RNGTT: variants seen among roughly 807,000 people sequenced by gnomAD.
RNGTT encodes the protein RNA guanylyltransferase and 5'-phosphatase, also known as mRNA-capping enzyme.
A neutral mutation model predicts 79.3 loss-of-function variants in RNGTT; 33 were observed. The ratio of observed to expected loss-of-function variants is 0.42; its 90% confidence interval spans 0.32 to 0.56. The LOEUF is 0.56. RNGTT is among the 20% of genes least tolerant of loss of function. RNGTT has a pLI of 0.17. For missense variants in RNGTT, 497 were observed against 739.1 expected, an observed-to-expected ratio of 0.67 and a Z score of 3.80; for synonymous variants, 222 against 235.9, an observed-to-expected ratio of 0.94 and a Z score of 0.54.
chr6:88,890,342 T>C (rs1342558911), intron 8 of RNGTT, among the ~76,000 whole-genome samples, 153 bp downstream of exon 8: 3 of 152,194 alleles, frequency 2.0e-5, no homozygotes, highest in South Asian at 2.1e-4. Context: ...CTTAGAACAC[T>C]AGCAAAACCA....
At chr6:88,693,613 C>A (rs1775557797) in intron 13 of RNGTT, among the ~76,000 whole-genome samples, 1 of 152,088 alleles carries the variant, frequency 6.6e-6, no homozygotes, top group South Asian at 2.1e-4. Context: ...TTTAACAAAG[C>A]CAGCATTACC....
intron 4 of RNGTT, among the ~76,000 whole-genome samples, chr6:88,908,474 T>C (rs1582117792): frequency 6.6e-6 from 1 of 152,066 alleles, no homozygotes; most frequent in African/African-American, 2.4e-5. Context: ...TGAAAGCCAA[T>C]AGAGAGGCAA....
intron 6 of RNGTT, among the ~76,000 whole-genome samples, chr6:88,897,885 G>C: frequency 6.6e-6 from 1 of 152,200 alleles, no homozygotes; most frequent in East Asian, 1.9e-4. Flanking sequence ...TGAGCAGTGA[G>C]AGTGTAATGA....
At chr6:88,768,980 G>A (rs1037109710) in intron 13 of RNGTT, among the ~76,000 whole-genome samples, 2 of 152,068 alleles carry the variant, frequency 1.3e-5, no homozygotes, top group African/African-American at 2.4e-5. Flanking sequence ...CTCTGCAAAT[G>A]CAAACATGAA....
chr6:88,905,881 A>G (rs1582114786), intron 5 of RNGTT, among the ~76,000 whole-genome samples: 2 of 152,344 alleles, frequency 1.3e-5, no homozygotes, highest in East Asian at 1.9e-4. Context: ...GTGGTGGCTC[A>G]TGCCTGTAAT....
intron 13 of RNGTT, among the ~76,000 whole-genome samples, chr6:88,720,315 G>A (rs935395117): frequency 6.6e-6 from 1 of 151,828 alleles, no homozygotes; most frequent in Admixed American, 6.6e-5. Context: ...TATTTTTTCT[G>A]CCCTACCTAA....
In RNGTT at chr6:88,629,020, A is replaced by G. The variant is rs1772742223; in HGVS notation, c.1507-14625T>C. Among the ~76,000 whole-genome samples the G allele has an allele frequency of 1.3e-5, 2 of 152,102 alleles. 1 individual carries two copies. The highest frequency in any genetic ancestry group is 4.1e-4 in the South Asian group (2 of 4,834). On this transcript the variant is annotated intron_variant, in intron 14 of 15. Coordinates refer to ENST00000369485, the MANE Select transcript of RNGTT (RefSeq NM_003800.5). ...CATAGGCTGCATGTGAAGAAAAAAA[A>G]TCCCAAAACCATGAGCCTCAAGTGC...
At chr6:88,902,684 T>C (rs1043781996) in intron 6 of RNGTT, among the ~76,000 whole-genome samples, 7 of 144,358 alleles carry the variant, frequency 4.8e-5, no homozygotes, top group African/African-American at 1.8e-4. Flanking sequence ...AGATGTATAG[T>C]GAAATCTTTT....
At chr6:88,860,969 T>TA (rs1278324134) in intron 8 of RNGTT, among the ~76,000 whole-genome samples, 5 of 152,282 alleles carry the variant, frequency 3.3e-5, no homozygotes, top group Admixed American at 6.5e-5. Context: ...AAGGGTTACA[T>TA]AATACTAGCC....
At chr6:88,878,814 T>C (rs1262191823) in intron 8 of RNGTT, among the ~76,000 whole-genome samples, 5 of 152,168 alleles carry the variant, frequency 3.3e-5, no homozygotes, top group African/African-American at 1.2e-4. Flanking sequence ...GTATACACAA[T>C]ACCTAATTGA....
Position 88,755,833 on chromosome 6 carries a change from C to T in RNGTT, c.1439+13941G>A, listed in dbSNP as rs555523619. On this transcript the variant is annotated intron_variant, in intron 13 of 15. Transcript: ENST00000369485. ...AAAATTAGCCAGGCATGGTGGCGGGCGCCTGTAATCTCAGCTACTTAGGAG... is the reference window on the plus strand; with the variant it reads ...AAAATTAGCCAGGCATGGTGGCGGGTGCCTGTAATCTCAGCTACTTAGGAG... 1.5e-4 allele frequency among the ~76,000 whole-genome samples: 23 copies of T among 151,442 alleles called. No individual in the cohort carries two copies. The South Asian group carries it at 4.2e-3, about 28-fold the overall frequency.
chr6:88,843,778 G>A (rs1413547166), intron 11 of RNGTT, among the ~76,000 whole-genome samples: 5 of 151,204 alleles, frequency 3.3e-5, no homozygotes, highest in South Asian at 4.2e-4. Context: ...GGCTGGTCTT[G>A]AGTTCCTGAC....
At chr6:88,682,646 A>C (rs1411997120) in intron 13 of RNGTT, among the ~76,000 whole-genome samples, 2 of 152,146 alleles carry the variant, frequency 1.3e-5, no homozygotes, top group East Asian at 3.8e-4. Flanking sequence ...CAAGTTTGTT[A>C]CATCAGTACA....
chr6:88,682,639 GT>G (rs1175107766), intron 13 of RNGTT, among the ~76,000 whole-genome samples: 4 of 152,026 alleles, frequency 2.6e-5, no homozygotes, highest in African/African-American at 9.7e-5. Context: ...GAATGTGCAA[GT>G]TTGTTACATC....
In RNGTT at chr6:88,951,526, C is replaced by T. The variant is rs182315065; in HGVS notation, c.65-10346G>A. Among the ~76,000 whole-genome samples, 8 of 152,274 alleles carry T rather than the reference C, an allele frequency of 5.3e-5. No homozygotes were observed. In the East Asian group the frequency reaches 9.6e-4, roughly 18 times the overall value. ...ATTTCAAGAACTTGCCACAGCCAAA[C>T]AGATCCGTTGAAAGAAGCCAGACAG... On this transcript the variant is annotated intron_variant, in intron 1 of 15. Coordinates refer to ENST00000369485, the MANE Select transcript of RNGTT (RefSeq NM_003800.5).
intron 13 of RNGTT, among the ~76,000 whole-genome samples, chr6:88,709,387 G>A (rs988349039): frequency 2.6e-5 from 4 of 151,976 alleles, no homozygotes; most frequent in Non-Finnish European, 4.4e-5. Flanking sequence ...CTGAGAGAGA[G>A]AATATAAAGA....
At chr6:88,928,901 A>G in intron 4 of RNGTT, 84 bp downstream of exon 4, 2 of 981,808 alleles carry the variant, frequency 2.0e-6, no homozygotes, top group South Asian at 1.6e-5. Flanking sequence ...AAAAACTTTC[A>G]TATCAACTTA....
At chr6:88,636,267 T>C (rs1201571337) in intron 14 of RNGTT, among the ~76,000 whole-genome samples, 1 of 152,092 alleles carries the variant, frequency 6.6e-6, no homozygotes, top group Non-Finnish European at 1.5e-5. Flanking sequence ...AGTTTGGTTA[T>C]AGCCTCCTGC....
At chr6:88,691,863 T>C (rs369257035) in intron 13 of RNGTT, among the ~76,000 whole-genome samples, 2 of 152,210 alleles carry the variant, frequency 1.3e-5, no homozygotes, top group South Asian at 2.1e-4. Context: ...TTAATTGATA[T>C]ATTAACATAT....
Sources: allele counts gnomAD v4.1 joint callset (sites outside exome capture counted in the v4.1 genomes callset), GRCh38; gene constraint gnomAD v4.1.1; transcripts MANE v1.5; gene names NCBI Gene and HGNC (gene_info 2026-07-23, HGNC 2026-07-21).